Variants in ECH1 observed in about 807,000 individuals in gnomAD.
ECH1 encodes enoyl-CoA hydratase 1, also known as delta(3,5)-Delta(2,4)-dienoyl-CoA isomerase, mitochondrial.
A neutral mutation model predicts 37.0 loss-of-function variants in ECH1; 30 were observed. That is an observed-to-expected ratio of 0.81 (90% CI 0.61 to 1.10). ECH1 has a LOEUF of 1.10. Ranked by LOEUF, ECH1 falls within the 50% of genes least tolerant of loss-of-function variation. ECH1 has a pLI of 0.00. For missense variants in ECH1, 456 were observed against 441.6 expected, an observed-to-expected ratio of 1.03 and a Z score of -0.29; for synonymous variants, 178 against 176.0, an observed-to-expected ratio of 1.01 and a Z score of -0.09.
chr19:38,819,390 C>A (rs549693337), intron 3 of ECH1, among the ~76,000 whole-genome samples: 1 of 152,116 alleles, frequency 6.6e-6, no homozygotes, highest in South Asian at 2.1e-4. Context: ...CCTGGCTCAA[C>A]GATGGCCCCA....
intron 3 of ECH1, among the ~76,000 whole-genome samples, chr19:38,823,504 G>A (rs1971695010): frequency 1.3e-5 from 2 of 152,176 alleles, no homozygotes; most frequent in Non-Finnish European, 2.9e-5. Flanking sequence ...GACTAGCATG[G>A]CCGCTGGACT....
At position 38,815,613 on chromosome 19, in the gene ECH1, T is replaced by C; in HGVS notation, c.987A>G (p.Ter329TrpextTer26). The stretch of plus-strand genomic sequence containing the variant: ...GCTGGGGCCTGGGACGCGAGGGCTC[T>C]CAGAGCTTGGAGAAGGTGACGGTTT... ...ELKTVTFSKL[*>W] is the part of the protein sequence containing the mutation. Residue 329 changes from the stop codon to tryptophan, a stop_lost, in exon 10 of 10, where the codon TGA becomes TGG. Coordinates refer to ENST00000221418, the MANE Select transcript of ECH1 (RefSeq NM_001398.3). The C allele has an allele frequency of 6.2e-7, 1 of 1,614,178 alleles. No homozygotes were observed. The highest frequency in any genetic ancestry group is 8.5e-7 in the Non-Finnish European group (1 of 1,180,038).
chr19:38,817,033 G>T, intron 6 of ECH1, 32 bp downstream of exon 6: 1 of 1,555,512 alleles, frequency 6.4e-7, no homozygotes, highest in Non-Finnish European at 8.7e-7. Flanking sequence ...CCACTGCCCA[G>T]CTCTAAGCAG....
intron 3 of ECH1, among the ~76,000 whole-genome samples, chr19:38,827,831 T>G (rs1971760857): frequency 6.6e-6 from 1 of 152,216 alleles, no homozygotes; most frequent in South Asian, 2.1e-4. Context: ...ACCCAGCTAA[T>G]TTTTGTTAGA....
intron 3 of ECH1, 28 bp from the exon 4 acceptor site, chr19:38,817,603 C>A (rs1381512104): frequency 3.8e-6 from 6 of 1,562,904 alleles, no homozygotes; most frequent in Non-Finnish European, 5.2e-6. Flanking sequence ...TGGAGCTCAT[C>A]CAGGCTCCCA....
At chr19:38,822,648 T>C (rs1018904497) in intron 3 of ECH1, among the ~76,000 whole-genome samples, 1 of 152,224 alleles carries the variant, frequency 6.6e-6, no homozygotes, top group African/African-American at 2.4e-5. Flanking sequence ...TGTGTCTAGC[T>C]AATCTAGTGG....
intron 6 of ECH1, chr19:38,816,795 G>A (rs1201862118): frequency 1.6e-6 from 1 of 620,444 alleles, no homozygotes; most frequent in African/African-American, 1.8e-5. Context: ...CCCTACCTGA[G>A]ACCCCTTTAC....
chr19:38,815,711 A>G lies in ECH1; in HGVS notation c.889T>C (p.Trp297Arg). 1 of 1,614,178 alleles carries G rather than the reference A, an allele frequency of 6.2e-7. No individual in the cohort carries two copies. Among genetic ancestry groups the G allele is most frequent in the Non-Finnish European group, 8.5e-7 (1 of 1,180,026 alleles). ...VAESLNYVAS[W>R]NMSMLQTQDL... ...TGGGTCTGCAGCATGCTCATGTTCC[A>G]GGACGCCTGGTACCGAGGGTGTTGA... The change falls in exon 10 of 10, where the codon TGG (tryptophan) becomes CGG (arginine). Residue 297 changes from tryptophan (W) to arginine (R), a missense_variant. Physicochemically the swap from Trp to Arg is moderately radical, Grantham distance 101. Coordinates refer to ENST00000221418, the MANE Select transcript of ECH1 (RefSeq NM_001398.3).
intron 1 of ECH1, 59 bp downstream of exon 1, chr19:38,831,662 A>C (rs527572284): frequency 3.1e-6 from 5 of 1,606,494 alleles, no homozygotes; most frequent in Non-Finnish European, 4.3e-6. Context: ...TCCCCGTCCT[A>C]CATCTGCTAT....
chr19:38,825,464 T>C (rs951130875), intron 3 of ECH1, among the ~76,000 whole-genome samples: 5 of 152,202 alleles, frequency 3.3e-5, no homozygotes, highest in Admixed American at 3.3e-4. Context: ...GGTCAATTGA[T>C]TCTAAAAGAT....
At chr19:38,821,591 T>C (rs2113123) in intron 3 of ECH1, among the ~76,000 whole-genome samples, 104,716 of 152,054 alleles carry the variant, frequency 0.69, 36,456 homozygotes, top group South Asian at 0.75. Context: ...GCACTCGGAG[T>C]GGTGGGCCGG....
chr19:38,819,068 T>A (rs1971624698), intron 3 of ECH1: 1 of 979,500 alleles, frequency 1.0e-6, no homozygotes, highest in Non-Finnish European at 1.2e-6. Flanking sequence ...ATCGCACCAC[T>A]GCACTCCAGC....
At position 38,818,065 on chromosome 19, in the gene ECH1, C is replaced by T. The variant is rs114251312; in HGVS notation, c.350-490G>A. On this transcript the variant is annotated intron_variant, in intron 3 of 9. Coordinates refer to ENST00000221418, the MANE Select transcript of ECH1 (RefSeq NM_001398.3). ...GCCTCCTGAGTGGCTGGGACTGTGC[C>T]GAGGCTGCTCTTGAACTCCTGGGCT... is the stretch of plus-strand genomic sequence containing the variant. 1.8e-3 allele frequency: 597 copies of T among 329,050 alleles called. 3 individuals are homozygous for T. The highest frequency in any genetic ancestry group is 0.012 in the African/African-American group (529 of 44,370). The allele number at this position is 329,050 out of a possible 1,614,324, so 20.4% of individuals were successfully genotyped here. A position where few individuals can be genotyped will look rare whatever the true frequency, so the allele number is the denominator to read the frequency against.
chr19:38,816,570 C>T (rs748170220), intron 6 of ECH1, 47 bp from the exon 7 acceptor site: 1 of 1,603,832 alleles, frequency 6.2e-7, no homozygotes, highest in South Asian at 1.1e-5. Flanking sequence ...CAATACTGTG[C>T]CCCTCGCAAT....
chr19:38,831,492 C>T lies in ECH1; in HGVS notation c.77G>A (p.Gly26Glu), dbSNP rs1481307103. 6.2e-6 allele frequency: 10 copies of T among 1,614,046 alleles called. No homozygotes were observed. The highest frequency in any genetic ancestry group is 5.9e-6 in the Non-Finnish European group (7 of 1,179,984). The stretch of plus-strand genomic sequence containing the variant: ...AGTGAGGCGAAGGCTAATACTGAGT[C>T]CCGGGTAGTTGGAGCCTGTCAGTCC... ...TRRLTGSNYP[G>E]LSISLRLTGS... Residue 26 changes from glycine to glutamate, a missense_variant, in exon 2 of 10, where the codon GGA (glycine) becomes GAA (glutamate). Physicochemically the swap from Gly to Glu is moderately conservative, Grantham distance 98. Transcript: ENST00000221418.
At position 38,815,525 on chromosome 19, in the gene ECH1, G is replaced by T; in HGVS notation, c.*88C>A. ...CTGGGAAACTGGGTCAGAAGGCATA[G>T]AAACAACTGTCATCGCCCATCCTCC... On this transcript the variant is annotated 3_prime_UTR_variant, in exon 10 of 10. Transcript: ENST00000221418. 1 of 1,322,558 alleles carries T rather than the reference G, an allele frequency of 7.6e-7. No individual in the cohort carries two copies. 81.9% of individuals were successfully genotyped at this position (1,322,558 alleles called of 1,614,324 possible). A position where few individuals can be genotyped will look rare whatever the true frequency, so the allele number is the denominator to read the frequency against.
At chr19:38,824,992 G>C (rs759328776) in intron 3 of ECH1, among the ~76,000 whole-genome samples, 6 of 152,196 alleles carry the variant, frequency 3.9e-5, no homozygotes, top group Non-Finnish European at 7.3e-5. Flanking sequence ...CAGACCTGGG[G>C]AAGTTTTCAG....
At position 38,831,440 on chromosome 19, in the gene ECH1, G is replaced by A; in HGVS notation, c.129C>T (p.Ser43=). The A allele has an allele frequency of 1.2e-6, 2 of 1,614,106 alleles. No homozygotes were observed. Among genetic ancestry groups the A allele is most frequent in the Non-Finnish European group, 8.5e-7 (1 of 1,180,022 alleles). ...CTGGGGCTTCACCGAGGGCTACTCCGGAAGCCTCCTCTTGTGCAGAGGAGC... is the reference window on the plus strand; with the variant it reads ...CTGGGGCTTCACCGAGGGCTACTCCAGAAGCCTCCTCTTGTGCAGAGGAGC... ...LTGSSAQEEA[S]GVALGEAPDH... Residue 43 remains serine, a synonymous_variant, in exon 2 of 10, where the codon TCC becomes TCT. Transcript: ENST00000221418.
In ECH1 at chr19:38,831,374, T is replaced by C. The variant is rs750570996; in HGVS notation, c.195A>G (p.Lys65=). 33 of 1,613,828 alleles carry C rather than the reference T, an allele frequency of 2.0e-5. No individual in the cohort carries two copies. The highest frequency in any genetic ancestry group is 2.7e-5 in the Non-Finnish European group (32 of 1,179,990). The stretch of plus-strand genomic sequence containing the variant: ...GGTTGAGCTGGACATGCAGAACATG[T>C]TTCTGCGCAGACGTCACACGAAGGG... ...YESLRVTSAQ[K]HVLHVQLNRP... Residue 65 remains lysine (K), a synonymous_variant, in exon 2 of 10, where the codon AAA becomes AAG. Transcript: ENST00000221418.
Sources: gnomAD v4.1 joint callset for allele counts (sites outside exome capture counted in the v4.1 genomes callset) on GRCh38, gnomAD v4.1.1 for gene constraint, MANE v1.5 for transcripts, NCBI Gene and HGNC (gene_info 2026-07-23, HGNC 2026-07-21) for gene names.